Variants in BANP observed in about 807,000 individuals in gnomAD.
BANP encodes BTG3 associated nuclear protein.
Under a neutral mutation model 68.1 loss-of-function variants are expected in BANP, and 11 were observed. The observed-to-expected ratio is 0.16, with a 90% confidence interval of 0.10 to 0.27. BANP has a LOEUF of 0.27. Ranked by LOEUF, BANP falls within the 10% of genes least tolerant of loss-of-function variation. The probability of loss-of-function intolerance (pLI) is 1.00; values close to 1 mark genes in which losing one functional copy is unlikely to be tolerated. For missense variants in BANP, 504 were observed against 722.7 expected, an observed-to-expected ratio of 0.70 and a Z score of 3.47; for synonymous variants, 329 against 303.2, an observed-to-expected ratio of 1.09 and a Z score of -0.88.
rs372296589 is a variant in BANP, at chr16:88,057,479, C to G, written c.1312-7788C>G. ...CTGGAGACTCTTGCGGTCCCCTCCA[C>G]GTGTTCACCTCGTCAGAGTCAAGAA... is the stretch of plus-strand genomic sequence containing the variant. On this transcript the variant is annotated intron_variant, in intron 11 of 13. Coordinates refer to ENST00000682872, the MANE Select transcript of BANP (RefSeq NM_001386991.1). The surrounding 1 kb of genome is among the most constrained non-coding windows in gnomAD (Gnocchi z 4.6). Among the ~76,000 whole-genome samples, 1 of 152,024 alleles carries G rather than the reference C, an allele frequency of 6.6e-6. No individual in the cohort carries two copies. Among genetic ancestry groups the G allele is most frequent in the African/African-American group, 2.4e-5 (1 of 41,364 alleles).
At chr16:88,069,260 T>C (rs1408389671) in intron 12 of BANP, among the ~76,000 whole-genome samples, 1 of 152,270 alleles carries the variant, frequency 6.6e-6, no homozygotes, top group Non-Finnish European at 1.5e-5. Context: ...AGCAAAAAGA[T>C]GGAATTCTTG....
intron 3 of BANP, among the ~76,000 whole-genome samples, chr16:87,983,833 C>T (rs1194872184): frequency 1.3e-5 from 2 of 152,086 alleles, no homozygotes; most frequent in African/African-American, 2.4e-5. Context: ...GAAGTGAAAC[C>T]ATGACTAAAT....
chr16:88,039,012 C>A (rs1397406257), intron 11 of BANP, among the ~76,000 whole-genome samples: 1 of 152,218 alleles, frequency 6.6e-6, no homozygotes, highest in Non-Finnish European at 1.5e-5. Context: ...CCCGACTGAG[C>A]CTGGTGCACT....
At chr16:87,952,931 G>A (rs1282111481) in intron 1 of BANP, among the ~76,000 whole-genome samples, 1 of 152,030 alleles carries the variant, frequency 6.6e-6, no homozygotes, top group East Asian at 1.9e-4. Context: ...CCACCACCCC[G>A]GCTAATTTTT....
At position 88,072,101 on chromosome 16, in the gene BANP, C is replaced by T. The variant is rs1257837321; in HGVS notation, c.1410C>T (p.Ala470=). The T allele has an allele frequency of 1.2e-6, 2 of 1,600,546 alleles. No individual in the cohort carries two copies. ...AGGGTGCACAGCTGATCGCCGTGGC[C>T]TCCTCGGACCCCGCGGCGGCGGGCG... is the stretch of plus-strand genomic sequence containing the variant. ...VLQGAQLIAV[A]SSDPAAAGVD... is the part of the protein sequence containing the mutation. Residue 470 remains alanine, a synonymous_variant, in exon 13 of 14, where the codon GCC becomes GCT. Transcript: ENST00000682872.
At chr16:87,964,286 C>G in intron 1 of BANP, among the ~76,000 whole-genome samples, 1 of 152,222 alleles carries the variant, frequency 6.6e-6, no homozygotes, top group East Asian at 1.9e-4. Context: ...AGGCCCGGTG[C>G]CCTGCTGAGA....
intron 6 of BANP, among the ~76,000 whole-genome samples, chr16:88,009,583 A>AG (rs1185840034): frequency 5.3e-5 from 8 of 152,252 alleles, no homozygotes; most frequent in African/African-American, 1.9e-4. Flanking sequence ...TGGAATAAGA[A>AG]GGATGGTAAC....
chr16:87,987,193 C>G (rs1047232310), intron 4 of BANP, among the ~76,000 whole-genome samples: 1 of 152,104 alleles, frequency 6.6e-6, no homozygotes, highest in Admixed American at 6.6e-5. Context: ...ATTCTCCTGC[C>G]TCATCCTCCC....
intron 7 of BANP, among the ~76,000 whole-genome samples, chr16:88,021,214 C>T (rs2075968615): frequency 1.3e-5 from 2 of 152,208 alleles, no homozygotes; most frequent in Non-Finnish European, 2.9e-5. Flanking sequence ...GGCTGCTGAA[C>T]CTCATGGCTT....
intron 4 of BANP, among the ~76,000 whole-genome samples, chr16:87,984,823 C>T (rs553784744): frequency 3.3e-5 from 5 of 152,352 alleles, no homozygotes; most frequent in African/African-American, 9.6e-5. Flanking sequence ...ATATTCCAGC[C>T]GACAGCTCGT....
chr16:87,975,193 G>C lies in BANP; in HGVS notation c.70+8G>C. Reference sequence around the variant, plus strand: ...TGAGCCCTGACCACCCAGGTACAGAGCTGTGGGACAGTAGGTGAAATATTA... The same window carrying C: ...TGAGCCCTGACCACCCAGGTACAGACCTGTGGGACAGTAGGTGAAATATTA... On this transcript the variant is annotated splice_region_variant and intron_variant, in intron 2 of 13. Coordinates refer to ENST00000682872, the MANE Select transcript of BANP (RefSeq NM_001386991.1). 6.2e-7 allele frequency: 1 copy of C among 1,613,824 alleles called. No individual in the cohort carries two copies. The highest frequency in any genetic ancestry group is 1.7e-5 in the Admixed American group (1 of 60,026).
intron 2 of BANP, 116 bp downstream of exon 2, chr16:87,975,301 A>G: frequency 9.4e-7 from 1 of 1,059,732 alleles, no homozygotes; most frequent in Admixed American, 2.0e-5. Flanking sequence ...CATGCTGCGT[A>G]TGAAAAGTTT....
chr16:87,983,371 T>C (rs1223768644), intron 3 of BANP, among the ~76,000 whole-genome samples: 3 of 152,246 alleles, frequency 2.0e-5, no homozygotes, highest in Non-Finnish European at 4.4e-5. Flanking sequence ...TGGTGGCTCC[T>C]GGCTGGGACG....
rs188531237 is a variant in BANP, at chr16:88,033,632, A to G, written c.1200+387A>G. Among the ~76,000 whole-genome samples, 368 of 152,258 alleles carry G rather than the reference A, an allele frequency of 2.4e-3. 1 individual carries two copies. The highest frequency in any genetic ancestry group is 8.3e-3 in the African/African-American group (344 of 41,530). ...AGTGCAGGCGCTCTCTTACTGAGGG[A>G]AAGAGTAATTTCCTTCTAGGATCAG... On this transcript the variant is annotated intron_variant, in intron 9 of 13. Coordinates refer to ENST00000682872, the MANE Select transcript of BANP (RefSeq NM_001386991.1).
intron 11 of BANP, among the ~76,000 whole-genome samples, chr16:88,039,654 A>C (rs114605501): frequency 0.014 from 2,015 of 142,390 alleles, 147 homozygotes; most frequent in African/African-American, 0.043. Flanking sequence ...GAATTCTCCC[A>C]ACTTTATTGT....
chr16:87,968,641 GT>G (rs2060554138), intron 1 of BANP, among the ~76,000 whole-genome samples: 2 of 152,122 alleles, frequency 1.3e-5, no homozygotes, highest in African/African-American at 4.8e-5. Flanking sequence ...GAGGACGCAG[GT>G]TTAGTGTCAC....
At chr16:87,972,622 A>G (rs74994929) in intron 1 of BANP, among the ~76,000 whole-genome samples, 2,697 of 152,248 alleles carry the variant, frequency 0.018, 44 homozygotes, top group Middle Eastern at 0.027. Flanking sequence ...GGCTTGGTTT[A>G]GAATCGTTTC....
intron 11 of BANP, among the ~76,000 whole-genome samples, chr16:88,038,738 T>C (rs1446904189): frequency 6.6e-6 from 1 of 152,136 alleles, no homozygotes; most frequent in Non-Finnish European, 1.5e-5. Context: ...CAGAGTCCAC[T>C]CGCTGGTGGT....
At chr16:87,984,325 C>T in intron 4 of BANP, 66 bp downstream of exon 4, 1 of 1,381,800 alleles carries the variant, frequency 7.2e-7, no homozygotes, top group East Asian at 2.5e-5. Context: ...CCTCCTCGCC[C>T]AGGCCCGCAG....
Sources: gnomAD v4.1 joint callset for allele counts (sites outside exome capture counted in the v4.1 genomes callset) on GRCh38, gnomAD v4.1.1 for gene constraint, Gnocchi (gnomAD v3.1) non-coding constraint, MANE v1.5 for transcripts, NCBI Gene and HGNC (gene_info 2026-07-23, HGNC 2026-07-21) for gene names.